The following ING5 variants were observed in gnomAD, a reference collection of about 807,000 sequenced individuals.
The protein encoded by ING5 is inhibitor of growth protein 5.
Under a neutral mutation model 37.4 loss-of-function variants are expected in ING5, and 17 were observed. The observed-to-expected ratio is 0.45, with a 90% CI of 0.31 to 0.68. The LOEUF is 0.68. Among genes scored for constraint, ING5 ranks in the 30% least tolerant of loss-of-function variants. The probability of loss-of-function intolerance (pLI) is 0.05; values close to 1 mark genes in which losing one functional copy is unlikely to be tolerated. For synonymous variants in ING5, 123 were observed against 116.6 expected, an observed-to-expected ratio of 1.06 and a Z score of -0.36; for missense variants, 233 against 311.9, an observed-to-expected ratio of 0.75 and a Z score of 1.91.
chr2:241,694,049 A>G (rs948755722), intron 2 of ING5: 8 of 151,880 alleles, frequency 5.3e-5, no homozygotes, highest in Non-Finnish European at 1.0e-4. Flanking sequence ...TCTCTGGGAG[A>G]GTTATATTTA....
intron 1 of ING5, among the ~76,000 whole-genome samples, chr2:241,702,817 C>T (rs1049796947): frequency 1.4e-4 from 22 of 152,358 alleles, no homozygotes; most frequent in African/African-American, 5.0e-4. Flanking sequence ...GTCTCCCGCT[C>T]GTAGAGGGGC....
chr2:241,689,367 C>G (rs2069513152), intron 1 of ING5, among the ~76,000 whole-genome samples: 1 of 152,228 alleles, frequency 6.6e-6, no homozygotes, highest in Non-Finnish European at 1.5e-5. Flanking sequence ...ACGTCAGCCT[C>G]CCTAAGTGCT....
intron 2 of ING5, among the ~76,000 whole-genome samples, chr2:241,693,676 G>A (rs1386178063): frequency 8.8e-5 from 1 of 11,360 alleles, no homozygotes; most frequent in Non-Finnish European, 2.4e-4. Context: ...TTTTTTTTTT[G>A]AGACTGAGTC....
intron 5 of ING5, among the ~76,000 whole-genome samples, chr2:241,718,385 CT>C (rs2070336787): frequency 7.2e-6 from 1 of 139,736 alleles, no homozygotes; most frequent in African/African-American, 2.7e-5. Flanking sequence ...CCCTCCCTCC[CT>C]TCCTTCCTTC....
chr2:241,717,072 CCTT>C (rs2070294583), intron 5 of ING5, among the ~76,000 whole-genome samples: 1 of 151,528 alleles, frequency 6.6e-6, no homozygotes, highest in African/African-American at 2.4e-5. Context: ...TTTCTGGTAA[CCTT>C]CATTTTTTTT....
intron 7 of ING5, chr2:241,723,910 G>A (rs545150817): frequency 2.7e-5 from 35 of 1,309,518 alleles, no homozygotes; most frequent in East Asian, 1.2e-4. Context: ...CCTGGGAGGC[G>A]GAGGCGGGAG....
chr2:241,702,248 G>A, intron 1 of ING5, 146 bp downstream of exon 1: 1 of 182,988 alleles, frequency 5.5e-6, no homozygotes. Context: ...CGCGCGGACG[G>A]GGCGGGGCAG....
At chr2:241,698,533 GTGT>G (rs2069665819), upstream of ING5, among the ~76,000 whole-genome samples, 6 of 145,164 alleles carry the variant, frequency 4.1e-5, no homozygotes, top group Non-Finnish European at 7.7e-5. Flanking sequence ...GTGTGTGTGT[GTGT>G]GTGGAGGAGT....
chr2:241,714,268 T>C (rs2070200738), intron 5 of ING5, among the ~76,000 whole-genome samples: 1 of 152,222 alleles, frequency 6.6e-6, no homozygotes, highest in East Asian at 1.9e-4. Context: ...CTATACATTA[T>C]AGTTTAGTCC....
At chr2:241,699,649 C>A (rs6437280), upstream of ING5, among the ~76,000 whole-genome samples, 50,288 of 151,232 alleles carry the variant, frequency 0.33, 9,187 homozygotes, top group Middle Eastern at 0.42. Context: ...GTGTGACCAG[C>A]AACGTTGCAT....
chr2:241,722,022 G>A (rs1451584678), intron 5 of ING5: 4 of 985,326 alleles, frequency 4.1e-6, no homozygotes, highest in African/African-American at 3.5e-5. Context: ...TGGACAGCTG[G>A]GTGGGTGGTG....
chr2:241,688,953 C>G lies in ING5; in HGVS notation c.-773-885C>G, dbSNP rs565183879. ...AGCTGGGACTACAGGTGCCCACCAT[C>G]ATGCCCGGCTAATTTTTTTTGTATT... On this transcript the variant is annotated intron_variant, in intron 1 of 7. Coordinates refer to the ING5 transcript ENST00000636051. 2.0e-5 allele frequency among the ~76,000 whole-genome samples: 3 copies of G among 152,228 alleles called. No homozygotes were observed. The South Asian group carries it at 6.2e-4, about 32-fold the overall frequency.
At chr2:241,693,602 G>A (rs2069589177) in intron 2 of ING5, among the ~76,000 whole-genome samples, 1 of 150,552 alleles carries the variant, frequency 6.6e-6, no homozygotes, top group African/African-American at 2.4e-5. Flanking sequence ...CCCATGGAGT[G>A]TGCTGTCCCG....
rs370698256 is a variant in ING5 at position 241,723,084 on chromosome 2, G to T, written c.618+10G>T. On this transcript the variant is annotated intron_variant, in intron 6 of 7. Coordinates refer to ENST00000313552, the MANE Select transcript of ING5 (RefSeq NM_032329.6). ...CTGTGACAATCCAGACGTGAGTGTCGCCTGCAGGATTCGCGCCATGGGGCG... is the reference window on the plus strand; with the variant it reads ...CTGTGACAATCCAGACGTGAGTGTCTCCTGCAGGATTCGCGCCATGGGGCG... The T allele has an allele frequency of 6.2e-7, 1 of 1,614,104 alleles. No individual in the cohort carries two copies. The highest frequency in any genetic ancestry group is 2.2e-5 in the East Asian group (1 of 44,900).
intron 1 of ING5, among the ~76,000 whole-genome samples, chr2:241,689,664 G>A (rs1369732639): frequency 3.9e-5 from 6 of 152,208 alleles, no homozygotes; most frequent in Admixed American, 2.6e-4. Flanking sequence ...GTAAACCATC[G>A]TGATTTCGAG....
At chr2:241,709,458 G>T (rs1470983709) in intron 3 of ING5, 76 bp downstream of exon 3, 15 of 1,427,278 alleles carry the variant, frequency 1.1e-5, no homozygotes, top group East Asian at 2.4e-5. Context: ...TGTAAAAACT[G>T]CCCGGAAATG....
At position 241,724,844 on chromosome 2, in the gene ING5, G is replaced by A. The variant is rs1257195960; in HGVS notation, c.681-145G>A. 1.4e-5 allele frequency: 10 copies of A among 722,044 alleles called. No homozygotes were observed. The Admixed American group carries it at 2.5e-4, about 18-fold the overall frequency. 44.7% of individuals were successfully genotyped at this position (722,044 alleles called of 1,614,324 possible). ...CATCGGCGCATTTTCCCTGCGGGAG[G>A]GCCGCGGCCCCACTGCGTGTGCCTC... is the stretch of plus-strand genomic sequence containing the variant. On this transcript the variant is annotated intron_variant, in intron 7 of 7. Coordinates refer to ENST00000313552, the MANE Select transcript of ING5 (RefSeq NM_032329.6).
chr2:241,703,189 C>G (rs1559299708), intron 1 of ING5, among the ~76,000 whole-genome samples: 1 of 152,164 alleles, frequency 6.6e-6, no homozygotes, highest in Non-Finnish European at 1.5e-5. Flanking sequence ...GGAGGGTTGA[C>G]TTTGTGTGTG....
At chr2:241,718,588 T>A (rs1423459669) in intron 5 of ING5, among the ~76,000 whole-genome samples, 1 of 151,918 alleles carries the variant, frequency 6.6e-6, no homozygotes, top group East Asian at 1.9e-4. Flanking sequence ...GCTAATTTTG[T>A]ATTTTTAGTA....
Sources: allele counts gnomAD v4.1 joint callset (sites outside exome capture counted in the v4.1 genomes callset), GRCh38; gene constraint gnomAD v4.1.1; transcripts MANE v1.5; gene names NCBI Gene and HGNC (gene_info 2026-07-23, HGNC 2026-07-21).